Variants in MMACHC observed in about 807,000 individuals in gnomAD.
MMACHC encodes cyanocobalamin reductase / alkylcobalamin dealkylase.
A neutral mutation model predicts 17.6 loss-of-function variants in MMACHC; 14 were observed. The observed-to-expected ratio is 0.80, with a 90% confidence interval of 0.53 to 1.25. MMACHC has a LOEUF of 1.25. Among genes scored for constraint, MMACHC ranks in the 50% most tolerant of loss-of-function variants. The pLI, the probability that MMACHC is intolerant of heterozygous loss-of-function variation, is 0.00. For missense variants in MMACHC, 392 were observed against 364.5 expected (o/e 1.08, Z -0.62); for synonymous variants, 151 against 142.1 (o/e 1.06, Z -0.45).
chr1:45,508,680 T>G, intron 3 of MMACHC, 116 bp from the exon 4 acceptor site: 3 of 1,213,578 alleles, frequency 2.5e-6, no homozygotes, highest in Non-Finnish European at 3.4e-6. Context: ...AGGACAGAGG[T>G]TTATGTAGTC....
At position 45,513,261 on chromosome 1, in the gene MMACHC, CTAATACATCTGT is replaced by C; in HGVS notation, c.*4047_*4058del. The C allele has an allele frequency of 6.6e-6, 1 of 152,300 alleles. No individual in the cohort carries two copies. The highest frequency in any genetic ancestry group is 2.1e-4 in the South Asian group (1 of 4,824). The allele number at this position is 152,300 out of a possible 1,614,324, so 9.4% of individuals were successfully genotyped here. A position where few individuals can be genotyped will look rare whatever the true frequency, so the allele number is the denominator to read the frequency against. Reference sequence around the variant, plus strand: ...TGATTCCCAACCATTTTGTTTTGCCCTAATACATCTGTGAGATCATCCTACATTCAGTAAGTT... The same window carrying C: ...TGATTCCCAACCATTTTGTTTTGCCCGAGATCATCCTACATTCAGTAAGTT... On this transcript the variant is annotated 3_prime_UTR_variant, in exon 4 of 4. Coordinates refer to ENST00000401061, the MANE Select transcript of MMACHC (RefSeq NM_015506.3).
At chr1:45,508,394 G>C in intron 3 of MMACHC, 30 bp downstream of exon 3, 1 of 1,613,294 alleles carries the variant, frequency 6.2e-7, no homozygotes, top group South Asian at 1.1e-5. Flanking sequence ...TAGAGGCTGA[G>C]ATAGACTGGT....
rs1643780554 is a variant in MMACHC at position 45,512,867 on chromosome 1, A to G, written c.*3652A>G. ...CTGCAAAGGGTACCTCTTGGTTATC[A>G]GTGCTCACTGATCCCTATATAATCA... On this transcript the variant is annotated 3_prime_UTR_variant, in exon 4 of 4. Coordinates refer to ENST00000401061, the MANE Select transcript of MMACHC (RefSeq NM_015506.3). 2 of 152,204 alleles carry G rather than the reference A, an allele frequency of 1.3e-5. No individual in the cohort carries two copies. The highest frequency in any genetic ancestry group is 2.9e-5 in the Non-Finnish European group (2 of 68,042). 9.4% of individuals were successfully genotyped at this position (152,204 alleles called of 1,614,324 possible). A position where few individuals can be genotyped will look rare whatever the true frequency, so the allele number is the denominator to read the frequency against.
rs376037114 is a variant in MMACHC at position 45,509,137 on chromosome 1, C to G, written c.771C>G (p.Pro257=). ...ACCTTCCCTTTACCACACCCGCCCC[C>G]AAGAAGCCTGGGAATCCCAGCAGAG... is the stretch of plus-strand genomic sequence containing the variant. ...SPDLPFTTPA[P]KKPGNPSRAR... is the part of the protein sequence containing the mutation. The change falls in exon 4 of 4, where the codon CCC becomes CCG. Residue 257 remains proline, a synonymous_variant. Coordinates refer to ENST00000401061, the MANE Select transcript of MMACHC (RefSeq NM_015506.3). 6.2e-7 allele frequency: 1 copy of G among 1,613,026 alleles called. No individual in the cohort carries two copies. Among genetic ancestry groups the G allele is most frequent in the African/African-American group, 1.3e-5 (1 of 74,834 alleles).
intron 3 of MMACHC, among the ~76,000 whole-genome samples, chr1:45,508,576 C>T (rs187823009): frequency 6.6e-6 from 1 of 152,296 alleles, no homozygotes; most frequent in East Asian, 1.9e-4. Context: ...TCTTAGGATA[C>T]AGGGGGCACA....
At chr1:45,508,427 C>G in intron 3 of MMACHC, 63 bp downstream of exon 3, 1 of 1,573,226 alleles carries the variant, frequency 6.4e-7, no homozygotes, top group Non-Finnish European at 8.7e-7. Flanking sequence ...CTACCAGGTC[C>G]CACATTCCTC....
At chr1:45,508,175 A>G in intron 2 of MMACHC, 37 bp from the exon 3 acceptor site, 2 of 1,612,294 alleles carry the variant, frequency 1.2e-6, no homozygotes, top group Non-Finnish European at 1.7e-6. Flanking sequence ...AACTCCCCTC[A>G]TGCTGACAGT....
rs1570840077 is a variant in MMACHC at position 45,511,620 on chromosome 1, C to G, written c.*2405C>G. The G allele has an allele frequency of 5.0e-6, 2 of 403,478 alleles. No individual in the cohort carries two copies. The highest frequency in any genetic ancestry group is 7.4e-5 in the East Asian group (2 of 27,004). 25.0% of individuals were successfully genotyped at this position (403,478 alleles called of 1,614,324 possible). ...ACCACAGCCTTAAGATACTATCATG[C>G]CTAATTTATTCATGTAGCACTTGAA... On this transcript the variant is annotated 3_prime_UTR_variant, in exon 4 of 4. Coordinates refer to ENST00000401061, the MANE Select transcript of MMACHC (RefSeq NM_015506.3).
At position 45,511,177 on chromosome 1, in the gene MMACHC, TC is replaced by T. The variant is rs2149325233; in HGVS notation, c.*1963del. The T allele has an allele frequency of 1.6e-6, 1 of 635,274 alleles. No homozygotes were observed. The highest frequency in any genetic ancestry group is 2.4e-5 in the South Asian group (1 of 42,368). The allele number at this position is 635,274 out of a possible 1,614,324, so 39.4% of individuals were successfully genotyped here. On this transcript the variant is annotated 3_prime_UTR_variant, in exon 4 of 4. Transcript: ENST00000401061. The stretch of plus-strand genomic sequence containing the variant: ...CCTACCAAAGGAAGAAAGGCTGGTC[TC>T]TCCACCCCCTGTAGGAAAGGCCTGC...
In MMACHC at chr1:45,500,372, G is replaced by A. The variant is rs563710045; in HGVS notation, c.40G>A (p.Asp14Asn). 169 of 1,614,186 alleles carry A rather than the reference G, an allele frequency of 1.0e-4. 1 individual carries two copies. The South Asian group carries it at 1.7e-3, about 16-fold the overall frequency. Reference protein sequence around the residue: ...KVAELKQKIEDTLCPFGFEVY... With the variant: ...KVAELKQKIENTLCPFGFEVY... ...CGCAGAGCTGAAGCAGAAGATCGAG[G>A]ACACGCTATGTCCTTTTGGCTTCGA... is the stretch of plus-strand genomic sequence containing the variant. The change falls in exon 1 of 4, where the codon GAC (aspartate) becomes AAC (asparagine). Residue 14 changes from aspartate to asparagine, a missense_variant. Coordinates refer to ENST00000401061, the MANE Select transcript of MMACHC (RefSeq NM_015506.3).
At chr1:45,505,107 C>T (rs1195151067) in intron 1 of MMACHC, among the ~76,000 whole-genome samples, 1 of 108,410 alleles carries the variant, frequency 9.2e-6, no homozygotes, top group African/African-American at 3.8e-5. Context: ...GACAGTGAGA[C>T]TGTATACATT....
In MMACHC at chr1:45,510,302, G is replaced by A. The variant is rs965932884; in HGVS notation, c.*1087G>A. On this transcript the variant is annotated 3_prime_UTR_variant, in exon 4 of 4. Coordinates refer to ENST00000401061, the MANE Select transcript of MMACHC (RefSeq NM_015506.3). ...GAATGGTATCACATGATACACAGAA[G>A]TATCCTCAGTTCTGAATCTACCTTG... 2.6e-5 allele frequency: 4 copies of A among 152,238 alleles called. No individual in the cohort carries two copies. Among genetic ancestry groups the A allele is most frequent in the African/African-American group, 9.6e-5 (4 of 41,520 alleles). 9.4% of individuals were successfully genotyped at this position (152,238 alleles called of 1,614,324 possible). A position where few individuals can be genotyped will look rare whatever the true frequency, so the allele number is the denominator to read the frequency against.
At position 45,500,399 on chromosome 1, in the gene MMACHC, G is replaced by T. The variant is rs201898615; in HGVS notation, c.67G>T (p.Val23Phe). Reference sequence around the variant, plus strand: ...CACGCTATGTCCTTTTGGCTTCGAGGTTTACCCCTTCCAGGTTAGTTTATC... The same window carrying T: ...CACGCTATGTCCTTTTGGCTTCGAGTTTTACCCCTTCCAGGTTAGTTTATC... ...EDTLCPFGFE[V>F]YPFQVAWYNE... The change falls in exon 1 of 4, where the codon GTT (valine) becomes TTT (phenylalanine). Residue 23 changes from valine (V) to phenylalanine (F), a missense_variant. Physicochemically the swap from Val to Phe is conservative, Grantham distance 50 (BLOSUM62 -1). Coordinates refer to ENST00000401061, the MANE Select transcript of MMACHC (RefSeq NM_015506.3). 1,356 of 1,614,192 alleles carry T rather than the reference G, an allele frequency of 8.4e-4. No homozygotes were observed. Among genetic ancestry groups the T allele is most frequent in the Non-Finnish European group, 1.1e-3 (1,293 of 1,180,030 alleles).
chr1:45,508,247 C>T lies in MMACHC; in HGVS notation c.312C>T (p.Asp104=). 1 of 1,614,152 alleles carries T rather than the reference C, an allele frequency of 6.2e-7. No homozygotes were observed. The highest frequency in any genetic ancestry group is 8.5e-7 in the Non-Finnish European group (1 of 1,180,012). The change falls in exon 3 of 4, where the codon GAC becomes GAT. Residue 104 remains aspartate, a synonymous_variant. Transcript: ENST00000401061. The stretch of plus-strand genomic sequence containing the variant: ...AGCTGCAGATAGAAATCATTGCTGA[C>T]TACGAGGTGCACCCCAACCGACGCC... The part of the protein sequence containing the change: ...LPELQIEIIA[D]YEVHPNRRPK...
Position 45,510,690 on chromosome 1 carries a change from C to CATTT in MMACHC, c.*1478_*1481dup, listed in dbSNP as rs1346940039. ...GCTCTTTTACATAGCAGGTACCAGG[C>CATTT]ATTTATCAGAAGAGGCCAAGCTTCT... On this transcript the variant is annotated 3_prime_UTR_variant, in exon 4 of 4. Coordinates refer to ENST00000401061, the MANE Select transcript of MMACHC (RefSeq NM_015506.3). The CATTT allele has an allele frequency of 3.9e-5, 6 of 152,216 alleles. No individual in the cohort carries two copies. The highest frequency in any genetic ancestry group is 3.9e-4 in the Admixed American group (6 of 15,282). The allele number at this position is 152,216 out of a possible 1,614,324, so 9.4% of individuals were successfully genotyped here. A position where few individuals can be genotyped will look rare whatever the true frequency, so the allele number is the denominator to read the frequency against.
Position 45,507,400 on chromosome 1 carries a change from G to A in MMACHC, c.126G>A (p.Pro42=), listed in dbSNP as rs201112314. ...TCTTGCCTCCAGCCTTCCACCTACC[G>A]CTGCCAGGACCTACCCTGGCCTTCC... ...NELLPPAFHL[P]LPGPTLAFLV... Residue 42 remains proline, a synonymous_variant, in exon 2 of 4, where the codon CCG becomes CCA. Coordinates refer to ENST00000401061, the MANE Select transcript of MMACHC (RefSeq NM_015506.3). The A allele has an allele frequency of 2.4e-4, 387 of 1,614,054 alleles. 3 individuals carry two copies. Among genetic ancestry groups the A allele is most frequent in the Non-Finnish European group, 2.7e-4 (324 of 1,180,004 alleles).
At position 45,500,385 on chromosome 1, in the gene MMACHC, C is replaced by G; in HGVS notation, c.53C>G (p.Pro18Arg). The G allele has an allele frequency of 6.2e-7, 1 of 1,614,174 alleles. No individual in the cohort carries two copies. ...CAGAAGATCGAGGACACGCTATGTC[C>G]TTTTGGCTTCGAGGTTTACCCCTTC... ...LKQKIEDTLC[P>R]FGFEVYPFQV... The change falls in exon 1 of 4, where the codon CCT (proline) becomes CGT (arginine). Residue 18 changes from proline (P) to arginine (R), a missense_variant. By Grantham distance (103) the Pro-to-Arg change is moderately radical. Transcript: ENST00000401061.
In MMACHC at chr1:45,509,279, G is replaced by C. The variant is rs1484803764; in HGVS notation, c.*64G>C. Reference sequence around the variant, plus strand: ...CTAGGACTTAATTGGCTTTGGCAAAGCAAAAGGTTTTGAGTACAAGATTAC... The same window carrying C: ...CTAGGACTTAATTGGCTTTGGCAAACCAAAAGGTTTTGAGTACAAGATTAC... On this transcript the variant is annotated 3_prime_UTR_variant, in exon 4 of 4. Coordinates refer to ENST00000401061, the MANE Select transcript of MMACHC (RefSeq NM_015506.3). 6.3e-7 allele frequency: 1 copy of C among 1,583,484 alleles called. No homozygotes were observed. Among genetic ancestry groups the C allele is most frequent in the Admixed American group, 1.7e-5 (1 of 59,754 alleles).
Position 45,507,338 on chromosome 1 carries a change from C to CTGAA in MMACHC, c.82-17_82-14dup. The CTGAA allele has an allele frequency of 6.2e-7, 1 of 1,613,884 alleles. No homozygotes were observed. ...CTAGACTGGCCCTCTCCAGCCTGGC[C>CTGAA]TGAACTTTCTGTTTCAGGTGGCATG... On this transcript the variant is annotated splice_polypyrimidine_tract_variant and intron_variant, in intron 1 of 3. Transcript: ENST00000401061.
Sources: gnomAD v4.1 joint callset for allele counts (sites outside exome capture counted in the v4.1 genomes callset) on GRCh38, gnomAD v4.1.1 for gene constraint, MANE v1.5 for transcripts, NCBI Gene and HGNC (gene_info 2026-07-23, HGNC 2026-07-21) for gene names.